DKK2: variants seen among roughly 807,000 people sequenced by gnomAD.
The protein encoded by DKK2 is dickkopf-related protein 2.
A neutral mutation model predicts 28.1 loss-of-function variants in DKK2; 11 were observed. The ratio of observed to expected loss-of-function variants is 0.39; its 90% confidence interval spans 0.25 to 0.65. The LOEUF is 0.65. DKK2 is among the 30% of genes least tolerant of loss of function. DKK2 has a pLI of 0.47. For synonymous variants in DKK2, 135 were observed against 126.5 expected (o/e 1.07, Z -0.45); for missense variants, 326 against 335.5 (o/e 0.97, Z 0.22).
chr4:106,999,359 C>CT (rs1182537213), intron 1 of DKK2, among the ~76,000 whole-genome samples: 1 of 151,738 alleles, frequency 6.6e-6, no homozygotes, highest in South Asian at 2.1e-4. Context: ...ATCTTTTTTT[C>CT]TTTTTTTGAG....
intron 1 of DKK2, among the ~76,000 whole-genome samples, chr4:107,023,143 C>T (rs1200904742): frequency 6.6e-6 from 1 of 151,896 alleles, no homozygotes; most frequent in Non-Finnish European, 1.5e-5. Flanking sequence ...TGCAATTTTT[C>T]CATAGAGTAT....
intron 1 of DKK2, among the ~76,000 whole-genome samples, chr4:106,935,532 C>T (rs1560575010): frequency 6.6e-6 from 1 of 152,200 alleles, no homozygotes; most frequent in Non-Finnish European, 1.5e-5. Flanking sequence ...GGCAGCGAGG[C>T]TGGGTGAGGG....
At chr4:106,929,918 T>C (rs988409561) in intron 1 of DKK2, among the ~76,000 whole-genome samples, 5 of 152,168 alleles carry the variant, frequency 3.3e-5, no homozygotes, top group African/African-American at 1.2e-4. Flanking sequence ...GCCTCAGATA[T>C]CATTACTAAG....
At chr4:106,995,432 C>T (rs899618556) in intron 1 of DKK2, among the ~76,000 whole-genome samples, 2 of 152,094 alleles carry the variant, frequency 1.3e-5, no homozygotes, top group African/African-American at 4.8e-5. Context: ...TGTTGTTTCT[C>T]ATGAAATAAG....
intron 1 of DKK2, among the ~76,000 whole-genome samples, chr4:106,962,365 A>T (rs1050468651): frequency 1.3e-5 from 2 of 152,184 alleles, no homozygotes; most frequent in Non-Finnish European, 2.9e-5. Flanking sequence ...CACATAGAAA[A>T]ATGCAACAGA....
At chr4:106,931,362 A>G (rs1724502053) in intron 1 of DKK2, among the ~76,000 whole-genome samples, 1 of 152,114 alleles carries the variant, frequency 6.6e-6, no homozygotes, top group African/African-American at 2.4e-5. Flanking sequence ...ACCAACTATG[A>G]TCCAGAAACT....
chr4:106,947,298 G>T lies in DKK2; in HGVS notation c.223-21349C>A, dbSNP rs200013032. Among the ~76,000 whole-genome samples, 41 of 152,196 alleles carry T rather than the reference G, an allele frequency of 2.7e-4. No individual in the cohort carries two copies. In the East Asian group the frequency reaches 7.3e-3, roughly 27 times the overall value. ...ACATCTGAAGGTAACATCTGTCTGT[G>T]CTACTAACCACATCAGCAGCCTATG... On this transcript the variant is annotated intron_variant, in intron 1 of 3. Transcript: ENST00000285311.
intron 1 of DKK2, among the ~76,000 whole-genome samples, chr4:106,979,943 T>G (rs1723001293): frequency 1.3e-5 from 2 of 152,340 alleles, no homozygotes; most frequent in African/African-American, 4.8e-5. Context: ...TCACTTTAAA[T>G]AGTTTACTAC....
Position 107,018,584 on chromosome 4 carries a change from G to A in DKK2, c.222+16786C>T, listed in dbSNP as rs113631778. On this transcript the variant is annotated intron_variant, in intron 1 of 3. Coordinates refer to ENST00000285311, the MANE Select transcript of DKK2 (RefSeq NM_014421.3). Reference sequence around the variant, plus strand: ...CCGTTGGCTTTTCATTCTGGTGACGGATGAAGTATGACTATAATTCCAGGT... The same window carrying A: ...CCGTTGGCTTTTCATTCTGGTGACGAATGAAGTATGACTATAATTCCAGGT... Among the ~76,000 whole-genome samples the A allele has an allele frequency of 2.4e-4, 36 of 152,132 alleles. 1 individual carries two copies. Among genetic ancestry groups the A allele is most frequent in the African/African-American group, 7.7e-4 (32 of 41,524 alleles).
At chr4:107,012,338 T>C (rs1409304598) in intron 1 of DKK2, among the ~76,000 whole-genome samples, 1 of 151,396 alleles carries the variant, frequency 6.6e-6, no homozygotes, top group Admixed American at 6.6e-5. Context: ...ATGATTAAAA[T>C]AAATTTCATC....
At chr4:106,957,133 C>A (rs558186362) in intron 1 of DKK2, among the ~76,000 whole-genome samples, 7 of 152,208 alleles carry the variant, frequency 4.6e-5, no homozygotes, top group African/African-American at 7.2e-5. Context: ...ATTCATGCAG[C>A]CAAAAGACAC....
chr4:106,995,643 C>T (rs962952842), intron 1 of DKK2, among the ~76,000 whole-genome samples: 2 of 152,124 alleles, frequency 1.3e-5, no homozygotes, highest in African/African-American at 4.8e-5. Flanking sequence ...GACGGACTCT[C>T]GCTCTGTCAT....
intron 1 of DKK2, among the ~76,000 whole-genome samples, chr4:106,936,220 A>C (rs1724585713): frequency 6.6e-6 from 1 of 152,076 alleles, no homozygotes; most frequent in Non-Finnish European, 1.5e-5. Flanking sequence ...AACTTTGAAA[A>C]AAATTTAGAA....
chr4:106,999,563 T>C (rs1430189267), intron 1 of DKK2, among the ~76,000 whole-genome samples: 1 of 152,122 alleles, frequency 6.6e-6, no homozygotes, highest in Non-Finnish European at 1.5e-5. Context: ...GCCAGGATGA[T>C]CTCAATCTCT....
chr4:106,982,067 T>C (rs546490069), intron 1 of DKK2, among the ~76,000 whole-genome samples: 1 of 152,306 alleles, frequency 6.6e-6, no homozygotes, highest in East Asian at 1.9e-4. Context: ...AATATTCTAG[T>C]TCACAGAACA....
At chr4:107,019,106 C>CTT (rs1407806291) in intron 1 of DKK2, among the ~76,000 whole-genome samples, 1 of 151,904 alleles carries the variant, frequency 6.6e-6, no homozygotes, top group Non-Finnish European at 1.5e-5. Context: ...ATAAGAACTT[C>CTT]AACAACGTTT....
intron 1 of DKK2, among the ~76,000 whole-genome samples, chr4:106,935,354 G>A (rs543493267): frequency 1.3e-5 from 2 of 152,166 alleles, no homozygotes; most frequent in South Asian, 2.1e-4. Context: ...AAGGGGTGAC[G>A]GATGGCACCT....
intron 1 of DKK2, among the ~76,000 whole-genome samples, chr4:107,016,254 T>C (rs1398032859): frequency 6.6e-6 from 1 of 151,884 alleles, no homozygotes; most frequent in African/African-American, 2.4e-5. Flanking sequence ...GAAGAAAACT[T>C]TTAAAAAATT....
intron 1 of DKK2, among the ~76,000 whole-genome samples, chr4:107,024,040 T>C (rs548014593): frequency 6.6e-6 from 1 of 152,138 alleles, no homozygotes; most frequent in Non-Finnish European, 1.5e-5. Flanking sequence ...TGACAAAATA[T>C]ATATCCTTTG....
Sources: allele counts gnomAD v4.1 joint callset (sites outside exome capture counted in the v4.1 genomes callset), GRCh38; gene constraint gnomAD v4.1.1; transcripts MANE v1.5; gene names NCBI Gene and HGNC (gene_info 2026-07-23, HGNC 2026-07-21).